EPHA6: variants seen among roughly 807,000 people sequenced by gnomAD.
The protein encoded by EPHA6 is ephrin type-A receptor 6.
A neutral mutation model predicts 112.0 loss-of-function variants in EPHA6; 50 were observed. The ratio of observed to expected loss-of-function variants is 0.45; its 90% CI spans 0.36 to 0.56. EPHA6 has a LOEUF of 0.56. EPHA6 is among the 20% of genes least tolerant of loss of function. The pLI is 0.00. For synonymous variants in EPHA6, 529 were observed against 490.7 expected, an observed-to-expected ratio of 1.08 and a Z score of -1.03; for missense variants, 1,280 against 1,417.4, an observed-to-expected ratio of 0.90 and a Z score of 1.56.
At chr3:97,404,768 C>T (rs371622861) in intron 5 of EPHA6, among the ~76,000 whole-genome samples, 16 of 152,070 alleles carry the variant, frequency 1.1e-4, no homozygotes, top group African/African-American at 3.9e-4. Flanking sequence ...CTTGTAATTG[C>T]AGAGTTTGTT....
chr3:97,405,177 A>G lies in EPHA6; in HGVS notation c.1634A>G (p.Lys545Arg). ...DAPSLIGVVR[K>R]DWASQNSIAL... Reference sequence around the variant, plus strand: ...CCTTCCCTGATAGGTGTGGTAAGGAAGGACTGGGCATCCCAAAATAGCATT... The same window carrying G: ...CCTTCCCTGATAGGTGTGGTAAGGAGGGACTGGGCATCCCAAAATAGCATT... The change falls in exon 6 of 18, where the codon AAG (lysine) becomes AGG (arginine). Residue 545 changes from lysine to arginine, a missense_variant. Physicochemically the swap from Lys to Arg is conservative, Grantham distance 26. This residue lies in a region of EPHA6 where 878 missense variants were observed against 999.7 expected (regional missense o/e 0.88). Coordinates refer to ENST00000389672, the MANE Select transcript of EPHA6 (RefSeq NM_001080448.3). 6.2e-7 allele frequency: 1 copy of G among 1,603,098 alleles called. No individual in the cohort carries two copies. Among genetic ancestry groups the G allele is most frequent in the Non-Finnish European group, 8.5e-7 (1 of 1,173,864 alleles).
chr3:97,235,580 TC>T (rs1446861616), intron 4 of EPHA6, among the ~76,000 whole-genome samples: 1 of 152,142 alleles, frequency 6.6e-6, no homozygotes, highest in Non-Finnish European at 1.5e-5. Flanking sequence ...CAACTCTCCT[TC>T]CTTTAGTCTT....
At chr3:97,374,642 A>C (rs74489909) in intron 5 of EPHA6, among the ~76,000 whole-genome samples, 1 of 151,704 alleles carries the variant, frequency 6.6e-6, no homozygotes, top group African/African-American at 2.4e-5. Flanking sequence ...TAGTTTTTCA[A>C]CCCTTGTCCT....
At chr3:97,344,693 T>A (rs1346871685) in intron 5 of EPHA6, among the ~76,000 whole-genome samples, 1 of 152,212 alleles carries the variant, frequency 6.6e-6, no homozygotes, top group Non-Finnish European at 1.5e-5. Flanking sequence ...AGTTGTTCCA[T>A]GCCATTGTCA....
intron 5 of EPHA6, among the ~76,000 whole-genome samples, chr3:97,357,227 G>T (rs1457859414): frequency 6.6e-6 from 1 of 152,056 alleles, no homozygotes; most frequent in African/African-American, 2.4e-5. Context: ...TTTCTTTTTA[G>T]ATGGAGTCTC....
At chr3:97,390,279 C>T (rs1188987988) in intron 5 of EPHA6, among the ~76,000 whole-genome samples, 3 of 152,026 alleles carry the variant, frequency 2.0e-5, no homozygotes, top group African/African-American at 7.2e-5. Flanking sequence ...AGCAGTTTTG[C>T]AGCCCCATTC....
At chr3:97,185,552 G>A (rs2077103138) in intron 3 of EPHA6, among the ~76,000 whole-genome samples, 1 of 151,966 alleles carries the variant, frequency 6.6e-6, no homozygotes, top group Admixed American at 6.6e-5. Context: ...TGATCAAAAA[G>A]TCAGGAAACA....
chr3:97,745,546 A>G (rs2035676473), intron 16 of EPHA6: 1 of 299,948 alleles, frequency 3.3e-6, no homozygotes, highest in East Asian at 1.0e-4. Context: ...TATTGACTAC[A>G]GTGTAATCAA....
intron 3 of EPHA6, among the ~76,000 whole-genome samples, chr3:97,010,423 T>C (rs2044042795): frequency 6.6e-6 from 1 of 152,210 alleles, no homozygotes; most frequent in Admixed American, 6.5e-5. Context: ...CTACAAAGCT[T>C]AAAATATTTA....
chr3:97,424,139 G>A (rs1340018776), intron 6 of EPHA6, among the ~76,000 whole-genome samples: 1 of 152,186 alleles, frequency 6.6e-6, no homozygotes, highest in African/African-American at 2.4e-5. Context: ...ATGGCAGCAG[G>A]CAAGAGCAAG....
At chr3:97,054,728 A>G (rs1413157639) in intron 3 of EPHA6, among the ~76,000 whole-genome samples, 1 of 152,154 alleles carries the variant, frequency 6.6e-6, no homozygotes, top group Non-Finnish European at 1.5e-5. Context: ...TATGCTCAGA[A>G]AAATGAAATC....
chr3:96,940,323 TG>T (rs1269995288), intron 2 of EPHA6, among the ~76,000 whole-genome samples: 1 of 152,236 alleles, frequency 6.6e-6, no homozygotes, highest in Non-Finnish European at 1.5e-5. Flanking sequence ...AGTTAGCTCT[TG>T]TTGAATTGAT....
intron 2 of EPHA6, among the ~76,000 whole-genome samples, chr3:96,959,168 T>G (rs1205733117): frequency 1.3e-5 from 2 of 152,190 alleles, no homozygotes; most frequent in Admixed American, 1.3e-4. Flanking sequence ...TCACCAATAC[T>G]TGTTTATTGT....
At chr3:97,258,246 A>T (rs2079381026) in intron 5 of EPHA6, among the ~76,000 whole-genome samples, 1 of 148,256 alleles carries the variant, frequency 6.7e-6, no homozygotes, top group African/African-American at 2.6e-5. Flanking sequence ...ATGAGTATAT[A>T]TATATACACA....
chr3:96,879,823 A>G (rs578130745), intron 2 of EPHA6, among the ~76,000 whole-genome samples: 1 of 152,138 alleles, frequency 6.6e-6, no homozygotes. Flanking sequence ...TTGTTGGTGC[A>G]TAGAGTGCTA....
At chr3:97,648,058 G>A (rs2094079283) in intron 14 of EPHA6, among the ~76,000 whole-genome samples, 1 of 152,050 alleles carries the variant, frequency 6.6e-6, no homozygotes, top group Non-Finnish European at 1.5e-5. Flanking sequence ...AAGCAAAATA[G>A]AAGAATCATT....
At chr3:97,445,773 A>G (rs533900641) in intron 6 of EPHA6, among the ~76,000 whole-genome samples, 5 of 151,846 alleles carry the variant, frequency 3.3e-5, no homozygotes, top group African/African-American at 1.2e-4. Flanking sequence ...TGAAAAAAAG[A>G]AATTATAAAA....
At chr3:97,519,586 A>G (rs2092504059) in intron 10 of EPHA6, among the ~76,000 whole-genome samples, 1 of 152,168 alleles carries the variant, frequency 6.6e-6, no homozygotes, top group African/African-American at 2.4e-5. Context: ...TCATTTTAAC[A>G]ATATTAGTCA....
chr3:97,426,932 A>G (rs1348479386), intron 6 of EPHA6, among the ~76,000 whole-genome samples: 2 of 152,190 alleles, frequency 1.3e-5, no homozygotes, highest in Non-Finnish European at 2.9e-5. Context: ...CCAAAATTAT[A>G]TAAAATAAGT....
Sources: gnomAD v4.1 joint callset for allele counts (sites outside exome capture counted in the v4.1 genomes callset) on GRCh38, gnomAD v4.1.1 for gene constraint, gnomAD v4.1.1 regional missense constraint, MANE v1.5 for transcripts, NCBI Gene and HGNC (gene_info 2026-07-23, HGNC 2026-07-21) for gene names.